DOK5: variants seen among roughly 807,000 people sequenced by gnomAD.
DOK5 encodes docking protein 5, also known as downstream of tyrosine kinase 5.
A neutral mutation model predicts 43.3 loss-of-function variants in DOK5; 27 were observed. That is an observed-to-expected ratio of 0.62 (90% CI 0.46 to 0.86). The LOEUF is 0.86. DOK5 is among the 40% of genes least tolerant of loss of function. The pLI is 0.00. For synonymous variants in DOK5, 146 were observed against 140.1 expected (o/e 1.04, Z -0.30); for missense variants, 373 against 392.9 (o/e 0.95, Z 0.43).
At chr20:54,509,670 A>G (rs1316677841) in intron 1 of DOK5, among the ~76,000 whole-genome samples, 1 of 152,208 alleles carries the variant, frequency 6.6e-6, no homozygotes, top group African/African-American at 2.4e-5. Flanking sequence ...TGATGAGAGC[A>G]TTTATTATTG....
chr20:54,637,624 G>A (rs1003457345), intron 6 of DOK5, among the ~76,000 whole-genome samples: 22 of 152,312 alleles, frequency 1.4e-4, no homozygotes, highest in East Asian at 3.9e-4. Flanking sequence ...TAATTTAACC[G>A]GGACCTAAAG....
At chr20:54,608,830 T>A (rs1361865552) in intron 5 of DOK5, among the ~76,000 whole-genome samples, 2 of 151,970 alleles carry the variant, frequency 1.3e-5, no homozygotes, top group Admixed American at 6.6e-5. Flanking sequence ...CCCCACACCA[T>A]GCCTGGCTAA....
intron 1 of DOK5, among the ~76,000 whole-genome samples, chr20:54,477,106 T>C (rs1404230232): frequency 1.3e-5 from 2 of 152,148 alleles, no homozygotes; most frequent in Non-Finnish European, 2.9e-5. Flanking sequence ...AAGTATAATG[T>C]CAGTAATCGT....
In DOK5 at chr20:54,588,512, A is replaced by G; in HGVS notation, c.204A>G (p.Val68=). ...CAGAACTCAATAATGTGAAGAACGT[A>G]GCTCGATTGCCAAAAAGCACCAAGA... ...KVTELNNVKN[V]ARLPKSTKKH... The change falls in exon 3 of 8, where the codon GTA becomes GTG. Residue 68 remains valine (V), a synonymous_variant. Coordinates refer to ENST00000262593, the MANE Select transcript of DOK5 (RefSeq NM_018431.5). 6.2e-7 allele frequency: 1 copy of G among 1,614,184 alleles called. No individual in the cohort carries two copies. The highest frequency in any genetic ancestry group is 8.5e-7 in the Non-Finnish European group (1 of 1,180,002).
rs777120408 is a variant in DOK5, at chr20:54,591,771, C to T, written c.565C>T (p.Arg189Cys). ...GCTAAGCGCCCTGCGGCGGTATGGA[C>T]GTGATACTACGTGGTTCACTTTTGA... ...WPLSALRRYG[R>C]DTTWFTFEAG... Residue 189 changes from arginine to cysteine, a missense_variant, in exon 5 of 8, where the codon CGT (arginine) becomes TGT (cysteine). Arg to Cys is a radical substitution (Grantham distance 180, BLOSUM62 -3). Coordinates refer to ENST00000262593, the MANE Select transcript of DOK5 (RefSeq NM_018431.5). 1.1e-5 allele frequency: 17 copies of T among 1,612,662 alleles called. No individual in the cohort carries two copies. The highest frequency in any genetic ancestry group is 2.2e-5 in the East Asian group (1 of 44,872).
chr20:54,643,634 A>T, intron 7 of DOK5, 56 bp downstream of exon 7: 1 of 1,567,084 alleles, frequency 6.4e-7, no homozygotes. Flanking sequence ...AGTACTGGGG[A>T]GGGGGCTCAG....
chr20:54,530,995 C>T (rs1282183957), intron 1 of DOK5, among the ~76,000 whole-genome samples: 2 of 152,286 alleles, frequency 1.3e-5, no homozygotes, highest in East Asian at 3.9e-4. Context: ...GTCTGAACCA[C>T]ACTCCTATGT....
chr20:54,476,276 A>C (rs1361664944), intron 1 of DOK5: 2 of 908,020 alleles, frequency 2.2e-6, no homozygotes, highest in African/African-American at 1.8e-5. Flanking sequence ...GAGCCCATCT[A>C]CTCGAAATAA....
intron 1 of DOK5, among the ~76,000 whole-genome samples, chr20:54,546,151 T>C (rs368253081): frequency 1.5e-3 from 228 of 152,266 alleles, no homozygotes; most frequent in African/African-American, 5.1e-3. Flanking sequence ...AAAACAAAAT[T>C]TGCTCATCTG....
At chr20:54,620,215 C>T (rs1027597398) in intron 6 of DOK5, among the ~76,000 whole-genome samples, 1 of 152,154 alleles carries the variant, frequency 6.6e-6, no homozygotes, top group East Asian at 1.9e-4. Context: ...TATAATAAAG[C>T]ATAATTTGTT....
intron 7 of DOK5, among the ~76,000 whole-genome samples, chr20:54,644,629 C>G (rs553847525): frequency 0.012 from 1,794 of 150,702 alleles, 50 homozygotes; most frequent in African/African-American, 0.042. Flanking sequence ...TGGCGTGAAC[C>G]CGGGAGGCGG....
chr20:54,609,850 C>T lies in DOK5; in HGVS notation c.600-538C>T, dbSNP rs187545455. On this transcript the variant is annotated intron_variant, in intron 5 of 7. Transcript: ENST00000262593. ...TGCTCATTGAAAAAAAAATTAACTG[C>T]ATTTGATCCATCACATTGAATGAAA... Among the ~76,000 whole-genome samples the T allele has an allele frequency of 3.3e-5, 5 of 152,246 alleles. No individual in the cohort carries two copies. The East Asian group carries it at 7.7e-4, about 23-fold the overall frequency.
chr20:54,476,187 T>A, intron 1 of DOK5, 175 bp downstream of exon 1: 1 of 985,360 alleles, frequency 1.0e-6, no homozygotes, highest in Non-Finnish European at 1.2e-6. Flanking sequence ...AGCGTCTAGG[T>A]ATGTAATGGA....
chr20:54,571,003 A>T (rs1329466718), intron 2 of DOK5, among the ~76,000 whole-genome samples: 2 of 152,188 alleles, frequency 1.3e-5, no homozygotes, highest in Admixed American at 6.5e-5. Flanking sequence ...GATGAATAAG[A>T]CATCTGGAGT....
At chr20:54,517,368 T>C (rs974347465) in intron 1 of DOK5, among the ~76,000 whole-genome samples, 4 of 152,198 alleles carry the variant, frequency 2.6e-5, no homozygotes, top group African/African-American at 9.7e-5. Context: ...CATCATGATG[T>C]AGGCAACATG....
At chr20:54,483,973 G>T (rs917588446) in intron 1 of DOK5, among the ~76,000 whole-genome samples, 1 of 152,186 alleles carries the variant, frequency 6.6e-6, no homozygotes, top group Non-Finnish European at 1.5e-5. Context: ...CCAGTGAGAG[G>T]ATGCAGGTGA....
intron 6 of DOK5, among the ~76,000 whole-genome samples, 161 bp downstream of exon 6, chr20:54,610,684 G>A (rs1396669726): frequency 6.6e-6 from 1 of 152,238 alleles, no homozygotes; most frequent in African/African-American, 2.4e-5. Context: ...CAGAATGCCT[G>A]ATGTGGGCCG....
intron 1 of DOK5, among the ~76,000 whole-genome samples, chr20:54,526,129 C>T (rs570015179): frequency 5.3e-4 from 77 of 146,208 alleles, no homozygotes; most frequent in African/African-American, 2.1e-3. Context: ...TGAAAGTAAA[C>T]CAAGATTTTT....
intron 6 of DOK5, among the ~76,000 whole-genome samples, chr20:54,635,295 C>A (rs1203157557): frequency 6.6e-6 from 1 of 152,164 alleles, no homozygotes; most frequent in Non-Finnish European, 1.5e-5. Context: ...TGGGGAAAAT[C>A]TGTATTCTGT....
Sources: gnomAD v4.1 joint callset for allele counts (sites outside exome capture counted in the v4.1 genomes callset) on GRCh38, gnomAD v4.1.1 for gene constraint, MANE v1.5 for transcripts, NCBI Gene and HGNC (gene_info 2026-07-23, HGNC 2026-07-21) for gene names.